Variants in OLFM3 observed in about 807,000 individuals in gnomAD.
OLFM3 encodes olfactomedin 3.
Under a neutral mutation model 48.6 loss-of-function variants are expected in OLFM3, and 20 were observed. The ratio of observed to expected loss-of-function variants is 0.41; its 90% CI spans 0.29 to 0.60. The LOEUF is 0.60. Ranked by LOEUF, OLFM3 falls within the 20% of genes least tolerant of loss-of-function variation. The probability of loss-of-function intolerance (pLI) is 0.28; values close to 1 mark genes in which losing one functional copy is unlikely to be tolerated. For missense variants in OLFM3, 437 were observed against 544.3 expected (o/e 0.80, Z 1.96); for synonymous variants, 222 against 198.1 (o/e 1.12, Z -1.01).
rs61808288 is a variant in OLFM3 at position 101,925,887 on chromosome 1, C to T, written c.69+70861G>A. Among the ~76,000 whole-genome samples, 17 of 152,228 alleles carry T rather than the reference C, an allele frequency of 1.1e-4. No homozygotes were observed. The South Asian group carries it at 3.5e-3, about 32-fold the overall frequency. On this transcript the variant is annotated intron_variant, in intron 1 of 5. Transcript: ENST00000370103. Reference sequence around the variant, plus strand: ...CTGTAGGACGTTGACATACCTTATTCTCAGTTATATGCTCATTACCTAGCA... The same window carrying T: ...CTGTAGGACGTTGACATACCTTATTTTCAGTTATATGCTCATTACCTAGCA...
At chr1:101,901,897 C>T (rs1658398964) in intron 1 of OLFM3, among the ~76,000 whole-genome samples, 1 of 151,792 alleles carries the variant, frequency 6.6e-6, no homozygotes, top group Non-Finnish European at 1.5e-5. Flanking sequence ...GTAAAACATT[C>T]AATTTAAATT....
chr1:101,879,037 G>C (rs941542733), intron 1 of OLFM3, among the ~76,000 whole-genome samples: 3 of 151,870 alleles, frequency 2.0e-5, no homozygotes, highest in African/African-American at 7.2e-5. Context: ...AGCAGAGAAG[G>C]GATAATTTGG....
At position 101,816,862 on chromosome 1, in the gene OLFM3, C is replaced by T. The variant is rs552198258; in HGVS notation, c.592+8164G>A. On this transcript the variant is annotated intron_variant, in intron 4 of 5. Coordinates refer to ENST00000370103, the MANE Select transcript of OLFM3 (RefSeq NM_058170.4). ...TTATTCTCAGGAAGCAAAAAGCTGA[C>T]AGAGCTCTCGATGTTGATTTCTTCT... 5.9e-5 allele frequency among the ~76,000 whole-genome samples: 9 copies of T among 152,244 alleles called. No individual in the cohort carries two copies. The South Asian group carries it at 8.3e-4, about 14-fold the overall frequency.
intron 1 of OLFM3, among the ~76,000 whole-genome samples, chr1:101,992,094 T>C (rs1246619530): frequency 1.3e-5 from 2 of 152,232 alleles, no homozygotes; most frequent in South Asian, 2.1e-4. Flanking sequence ...GTCACATCTA[T>C]GTATATCATC....
intron 1 of OLFM3, among the ~76,000 whole-genome samples, chr1:101,863,163 T>A (rs945808357): frequency 6.6e-6 from 1 of 152,162 alleles, no homozygotes; most frequent in Admixed American, 6.5e-5. Context: ...GGTTTCACCA[T>A]GTGGGCCGTG....
chr1:101,826,129 AACACACACACAC>A lies in OLFM3; in HGVS notation c.373-896_373-885del, dbSNP rs66617960. On this transcript the variant is annotated intron_variant, in intron 3 of 5. Coordinates refer to ENST00000370103, the MANE Select transcript of OLFM3 (RefSeq NM_058170.4). ...GAAACTGAAGCATTGACTTTCGTCA[AACACACACACAC>A]ACACACACACACACACACACACACA... Among the ~76,000 whole-genome samples the A allele has an allele frequency of 2.7e-3, 360 of 133,076 alleles. 1 individual carries two copies. The highest frequency in any genetic ancestry group is 5.0e-3 in the South Asian group (19 of 3,828). The allele number at this position is 133,076 out of a possible 152,430, so 87.3% of individuals were successfully genotyped here. A position where few individuals can be genotyped will look rare whatever the true frequency, so the allele number is the denominator to read the frequency against.
At chr1:101,957,719 T>G (rs1053955062) in intron 1 of OLFM3, among the ~76,000 whole-genome samples, 1 of 152,034 alleles carries the variant, frequency 6.6e-6, no homozygotes, top group African/African-American at 2.4e-5. Context: ...GGCTGAATAA[T>G]TAGGAAGTAA....
intron 1 of OLFM3, among the ~76,000 whole-genome samples, chr1:101,847,737 C>T (rs995220504): frequency 6.6e-6 from 1 of 152,104 alleles, no homozygotes; most frequent in Admixed American, 6.5e-5. Flanking sequence ...GAAGGCTTTG[C>T]TTCGTAGGTG....
intron 1 of OLFM3, among the ~76,000 whole-genome samples, chr1:101,913,351 G>A (rs775177876): frequency 2.0e-5 from 3 of 152,248 alleles, no homozygotes; most frequent in Admixed American, 6.5e-5. Flanking sequence ...CAGACAAGAG[G>A]CTAAGAATGT....
intron 1 of OLFM3, among the ~76,000 whole-genome samples, chr1:101,857,736 CTT>C (rs375073009): frequency 6.6e-6 from 1 of 151,878 alleles, no homozygotes; most frequent in African/African-American, 2.4e-5. Flanking sequence ...TTTCACCAAA[CTT>C]TATTGAGTCC....
intron 1 of OLFM3, among the ~76,000 whole-genome samples, chr1:101,985,630 C>A (rs1021122710): frequency 6.6e-6 from 1 of 152,130 alleles, no homozygotes; most frequent in Non-Finnish European, 1.5e-5. Context: ...TTAGCCATCT[C>A]TTTTGCTTTA....
At chr1:101,891,668 T>G (rs1001096912) in intron 1 of OLFM3, among the ~76,000 whole-genome samples, 3 of 151,970 alleles carry the variant, frequency 2.0e-5, no homozygotes, top group Non-Finnish European at 4.4e-5. Flanking sequence ...TACAGTAATG[T>G]CAATTCATTT....
intron 1 of OLFM3, among the ~76,000 whole-genome samples, chr1:101,848,045 G>A (rs2100944463): frequency 6.6e-6 from 1 of 152,268 alleles, no homozygotes; most frequent in East Asian, 1.9e-4. Context: ...ATTAGCAAGT[G>A]TGGTATATAG....
intron 1 of OLFM3, among the ~76,000 whole-genome samples, chr1:101,949,657 G>A (rs547330605): frequency 3.3e-5 from 5 of 152,206 alleles, no homozygotes; most frequent in African/African-American, 9.6e-5. Context: ...ACGGCCTGGC[G>A]CGGTGGCTCA....
intron 1 of OLFM3, among the ~76,000 whole-genome samples, chr1:101,920,663 A>C (rs1043092375): frequency 1.9e-4 from 29 of 152,180 alleles, no homozygotes; most frequent in African/African-American, 7.0e-4. Context: ...GTATTTTTCA[A>C]ATTAAGGATT....
chr1:101,960,627 G>A (rs989260609), intron 1 of OLFM3, among the ~76,000 whole-genome samples: 1 of 151,996 alleles, frequency 6.6e-6, no homozygotes, highest in African/African-American at 2.4e-5. Flanking sequence ...GTAGTTCTTG[G>A]GTGAGTATTG....
At chr1:101,952,828 T>A (rs1229463898) in intron 1 of OLFM3, among the ~76,000 whole-genome samples, 1 of 152,054 alleles carries the variant, frequency 6.6e-6, no homozygotes, top group Admixed American at 6.5e-5. Flanking sequence ...ATTGCTGCAA[T>A]TAAAAATCAA....
intron 1 of OLFM3, among the ~76,000 whole-genome samples, chr1:101,961,744 CTG>C (rs1660473904): frequency 6.6e-6 from 1 of 152,068 alleles, no homozygotes; most frequent in Non-Finnish European, 1.5e-5. Context: ...GTTTTCATGA[CTG>C]AAAGATATAA....
At chr1:101,890,175 C>T (rs966632681) in intron 1 of OLFM3, among the ~76,000 whole-genome samples, 4 of 151,900 alleles carry the variant, frequency 2.6e-5, no homozygotes, top group African/African-American at 9.7e-5. Flanking sequence ...TTTTAATGAT[C>T]TTGGAAAATA....
Sources: gnomAD v4.1 joint callset for allele counts (sites outside exome capture counted in the v4.1 genomes callset) on GRCh38, gnomAD v4.1.1 for gene constraint, MANE v1.5 for transcripts, NCBI Gene and HGNC (gene_info 2026-07-23, HGNC 2026-07-21) for gene names.